NCKAP1: variants seen among roughly 807,000 people sequenced by gnomAD.
NCKAP1 encodes NCK associated protein 1, also known as nck-associated protein 1.
In NCKAP1, 21 loss-of-function variants were observed where a neutral mutation model predicts 151.2. The ratio of observed to expected loss-of-function variants is 0.14; its 90% confidence interval spans 0.10 to 0.20. NCKAP1 has a LOEUF of 0.20. Ranked by LOEUF, NCKAP1 falls within the 10% of genes least tolerant of loss-of-function variation. The pLI is 1.00. For synonymous variants in NCKAP1, 484 were observed against 451.8 expected (o/e 1.07, Z -0.90); for missense variants, 933 against 1,352.1 (o/e 0.69, Z 4.86).
rs1237300436 is a variant in NCKAP1 at position 182,960,598 on chromosome 2, C to T, written c.1881+1561G>A. Among the ~76,000 whole-genome samples, 5 of 152,286 alleles carry T rather than the reference C, an allele frequency of 3.3e-5. No individual in the cohort carries two copies. In the East Asian group the frequency reaches 9.7e-4, roughly 29 times the overall value. ...AAGTTAATTCAAGATGGATTAAAGA[C>T]TTACATGTTAGACCTAAAACCATAA... is the stretch of plus-strand genomic sequence containing the variant. On this transcript the variant is annotated intron_variant, in intron 18 of 30. Transcript: ENST00000361354.
Position 182,920,991 on chromosome 2 carries a change from G to C in NCKAP1, c.*4711C>G, listed in dbSNP as rs1696542559. 1 of 152,298 alleles carries C rather than the reference G, an allele frequency of 6.6e-6. No individual in the cohort carries two copies. The highest frequency in any genetic ancestry group is 2.1e-4 in the South Asian group (1 of 4,820). 9.4% of individuals were successfully genotyped at this position (152,298 alleles called of 1,614,324 possible). A position where few individuals can be genotyped will look rare whatever the true frequency, so the allele number is the denominator to read the frequency against. ...CATCACTGAGTAGTGCACAGTTTTA[G>C]TCTGTGAGCACGCTTCAGTGAAATT... is the stretch of plus-strand genomic sequence containing the variant. On this transcript the variant is annotated 3_prime_UTR_variant, in exon 31 of 31. Transcript: ENST00000361354.
intron 2 of NCKAP1, among the ~76,000 whole-genome samples, chr2:183,012,611 C>T (rs1449250515): frequency 2.0e-5 from 3 of 151,154 alleles, no homozygotes; most frequent in Non-Finnish European, 3.0e-5. Context: ...TGTCACTCAT[C>T]CCCTTACGCC....
intron 6 of NCKAP1, among the ~76,000 whole-genome samples, chr2:182,996,622 T>C (rs867134870): frequency 2.0e-5 from 3 of 152,188 alleles, no homozygotes; most frequent in Admixed American, 2.0e-4. Context: ...CACGCTCAGC[T>C]AATTTTTGTA....
chr2:182,957,663 G>A, intron 18 of NCKAP1, 67 bp from the exon 19 acceptor site: 1 of 1,475,432 alleles, frequency 6.8e-7, no homozygotes. Flanking sequence ...AACTATTCAA[G>A]CAAACAGTAG....
intron 15 of NCKAP1, among the ~76,000 whole-genome samples, chr2:182,971,166 G>A (rs1270257956): frequency 8.6e-5 from 13 of 151,636 alleles, no homozygotes; most frequent in Admixed American, 3.9e-4. Context: ...AGGCCGAGGC[G>A]GGCGGATCAC....
chr2:182,950,480 A>G (rs1697191446), intron 23 of NCKAP1, among the ~76,000 whole-genome samples: 2 of 152,154 alleles, frequency 1.3e-5, no homozygotes, highest in African/African-American at 2.4e-5. Flanking sequence ...ATAGAAAAAA[A>G]TTATGTATTT....
At chr2:182,927,906 C>T (rs1290032955) in intron 29 of NCKAP1, among the ~76,000 whole-genome samples, 1 of 151,856 alleles carries the variant, frequency 6.6e-6, no homozygotes, top group African/African-American at 2.4e-5. Flanking sequence ...CCCACCTTCA[C>T]CTGTTTCTCC....
intron 2 of NCKAP1, among the ~76,000 whole-genome samples, chr2:183,009,532 T>C (rs1698551762): frequency 6.6e-6 from 1 of 152,108 alleles, no homozygotes; most frequent in African/African-American, 2.4e-5. Flanking sequence ...ACTAGCCTAG[T>C]AAAATATGCA....
intron 18 of NCKAP1, among the ~76,000 whole-genome samples, chr2:182,961,296 A>G (rs1403282524): frequency 2.0e-5 from 3 of 152,208 alleles, no homozygotes; most frequent in African/African-American, 4.8e-5. Context: ...TGTCTATTGC[A>G]GCACTATTCA....
At chr2:182,927,050 A>G (rs1157867169) in intron 29 of NCKAP1, 145 bp from the exon 30 acceptor site, 1 of 551,894 alleles carries the variant, frequency 1.8e-6, no homozygotes, top group African/African-American at 2.0e-5. Flanking sequence ...ATGAGCTTAG[A>G]TAGCCTACAT....
At position 183,002,130 on chromosome 2, in the gene NCKAP1, G is replaced by A; in HGVS notation, c.509C>T (p.Ala170Val). The A allele has an allele frequency of 6.2e-7, 1 of 1,612,522 alleles. No homozygotes were observed. The highest frequency in any genetic ancestry group is 2.2e-5 in the East Asian group (1 of 44,812). Reference protein sequence around the residue: ...YNYAHEMTHGASDREYPRLGQ... With the variant: ...YNYAHEMTHGVSDREYPRLGQ... Reference sequence around the variant, plus strand: ...GACTTTTATAATGCAAATCTACCTTGCTCCATGAGTCATTTCATGGGCATA... The same window carrying A: ...GACTTTTATAATGCAAATCTACCTTACTCCATGAGTCATTTCATGGGCATA... Residue 170 changes from alanine (A) to valine (V), a missense_variant, in exon 5 of 31, where the codon GCA becomes GTA. Physicochemically the swap from Ala to Val is moderately conservative, Grantham distance 64 (BLOSUM62 0). This residue lies in a region of NCKAP1 where 607 missense variants were observed against 795.0 expected (regional missense o/e 0.76). Coordinates refer to ENST00000361354, the MANE Select transcript of NCKAP1 (RefSeq NM_013436.5).
intron 8 of NCKAP1, among the ~76,000 whole-genome samples, chr2:182,990,058 A>T (rs1698137030): frequency 6.6e-6 from 1 of 151,550 alleles, no homozygotes. Context: ...CTACTTTCCT[A>T]ATCATGAGAA....
intron 2 of NCKAP1, among the ~76,000 whole-genome samples, chr2:183,007,514 A>C (rs1698499041): frequency 6.6e-6 from 1 of 152,244 alleles, no homozygotes; most frequent in African/African-American, 2.4e-5. Flanking sequence ...TACCATAAGG[A>C]ATCAGTGCCT....
intron 2 of NCKAP1, among the ~76,000 whole-genome samples, chr2:183,023,141 A>C (rs1698827131): frequency 6.6e-6 from 1 of 152,180 alleles, no homozygotes; most frequent in South Asian, 2.1e-4. Flanking sequence ...CTGAGTCAAA[A>C]TTTATATAAA....
At position 182,942,106 on chromosome 2, in the gene NCKAP1, G is replaced by T. The variant is rs1240347896; in HGVS notation, c.2659C>A (p.Pro887Thr). The change falls in exon 24 of 31, where the codon CCA becomes ACA. Residue 887 changes from proline to threonine, a missense_variant. Pro to Thr is a conservative substitution (Grantham distance 38, BLOSUM62 -1). Transcript: ENST00000361354. The part of the protein sequence containing the change: ...LTQMRTSFDK[P>T]DQMAALFKRL... ...TTAAACAGTGCAGCCATCTGGTCTGGTTTGTCAAAGCTGGTCCTCATTTGT... is the reference window on the plus strand; with the variant it reads ...TTAAACAGTGCAGCCATCTGGTCTGTTTTGTCAAAGCTGGTCCTCATTTGT... 1 of 1,613,248 alleles carries T rather than the reference G, an allele frequency of 6.2e-7. No individual in the cohort carries two copies. The highest frequency in any genetic ancestry group is 1.7e-5 in the Admixed American group (1 of 59,982).
chr2:183,003,447 T>A (rs1361189091), intron 2 of NCKAP1, 122 bp from the exon 3 acceptor site: 5 of 642,718 alleles, frequency 7.8e-6, no homozygotes, highest in Non-Finnish European at 1.1e-5. Flanking sequence ...TTCTAGATGA[T>A]TACGGCTTTT....
In NCKAP1 at chr2:183,003,299, T is replaced by G; in HGVS notation, c.246A>C (p.Glu82Asp). 6.3e-7 allele frequency: 1 copy of G among 1,599,966 alleles called. No individual in the cohort carries two copies. The highest frequency in any genetic ancestry group is 1.1e-5 in the South Asian group (1 of 87,532). Reference sequence around the variant, plus strand: ...CCAGATTTTTCAGAATCTCTGATTTTTCTTTCTGTAGTTGTGCAAGCTGTT... The same window carrying G: ...CCAGATTTTTCAGAATCTCTGATTTGTCTTTCTGTAGTTGTGCAAGCTGTT... ...NNQQLAQLQK[E>D]KSEILKNLAL... is the part of the protein sequence containing the mutation. The change falls in exon 3 of 31, where the codon GAA becomes GAC. Residue 82 changes from glutamate to aspartate, a missense_variant. This residue lies in a region of NCKAP1 where 607 missense variants were observed against 795.0 expected (regional missense o/e 0.76). Coordinates refer to ENST00000361354, the MANE Select transcript of NCKAP1 (RefSeq NM_013436.5).
intron 15 of NCKAP1, among the ~76,000 whole-genome samples, chr2:182,971,076 G>T (rs1027853231): frequency 6.6e-6 from 1 of 152,090 alleles, no homozygotes; most frequent in East Asian, 1.9e-4. Context: ...CATTGATGAA[G>T]GAAACTGAAG....
chr2:183,015,018 TG>T, intron 2 of NCKAP1, among the ~76,000 whole-genome samples: 1 of 152,164 alleles, frequency 6.6e-6, no homozygotes, highest in East Asian at 1.9e-4. Context: ...TGACTACAGA[TG>T]CCAGAAATGT....
Sources: gnomAD v4.1 joint callset for allele counts (sites outside exome capture counted in the v4.1 genomes callset) on GRCh38, gnomAD v4.1.1 for gene constraint, gnomAD v4.1.1 regional missense constraint, MANE v1.5 for transcripts, NCBI Gene and HGNC (gene_info 2026-07-23, HGNC 2026-07-21) for gene names.